LARGE1: variants seen among roughly 807,000 people sequenced by gnomAD.
LARGE1 encodes the protein LARGE xylosyl- and glucuronyltransferase 1, also known as xylosyl- and glucuronyltransferase LARGE1.
LARGE1 carries 43 observed loss-of-function variants against 87.6 expected under a neutral mutation model. The ratio of observed to expected loss-of-function variants is 0.49; its 90% CI spans 0.38 to 0.63. The LOEUF (loss-of-function observed/expected upper bound fraction) is 0.63. Among genes scored for constraint, LARGE1 ranks in the 30% least tolerant of loss-of-function variants. The pLI is 0.00. For missense variants in LARGE1, 802 were observed against 1,000.2 expected, an observed-to-expected ratio of 0.80 and a Z score of 2.67; for synonymous variants, 434 against 394.6, an observed-to-expected ratio of 1.10 and a Z score of -1.18.
At chr22:33,564,771 T>G in intron 6 of LARGE1, 77 bp downstream of exon 6, 1 of 1,508,950 alleles carries the variant, frequency 6.6e-7, no homozygotes, top group East Asian at 2.3e-5. Flanking sequence ...CTCACCTTTT[T>G]AAAAAAGTCA....
chr22:33,574,048 T>C (rs755336168), intron 5 of LARGE1, among the ~76,000 whole-genome samples: 2 of 152,190 alleles, frequency 1.3e-5, no homozygotes, highest in Non-Finnish European at 2.9e-5. Context: ...ATTGGTTATA[T>C]AGGTAAGTTT....
chr22:33,639,457 G>A (rs1407017259), intron 3 of LARGE1, among the ~76,000 whole-genome samples: 1 of 152,174 alleles, frequency 6.6e-6, no homozygotes, highest in African/African-American at 2.4e-5. Context: ...CAGTGGAGAA[G>A]TTGAATATTC....
At chr22:33,067,111 C>G in the LARGE1 span, among the ~76,000 whole-genome samples, 502 of 152,038 alleles carry the variant, frequency 3.3e-3, 2 homozygotes, top group African/African-American at 0.011. Context: ...TCCTGGTTTT[C>G]AAGCCCCTGG....
chr22:33,477,120 C>G (rs1371532700), intron 6 of LARGE1, among the ~76,000 whole-genome samples: 1 of 152,190 alleles, frequency 6.6e-6, no homozygotes, highest in Non-Finnish European at 1.5e-5. Context: ...CCACTGGTGA[C>G]AAGAAATTCT....
chr22:33,472,151 A>G (rs1203183508), intron 6 of LARGE1, among the ~76,000 whole-genome samples: 1 of 152,200 alleles, frequency 6.6e-6, no homozygotes, highest in Non-Finnish European at 1.5e-5. Context: ...ATCCTGATTT[A>G]GTGCCATGGG....
At chr22:33,336,990 G>A (rs149336089) in intron 10 of LARGE1, among the ~76,000 whole-genome samples, 4,115 of 151,640 alleles carry the variant, frequency 0.027, 187 homozygotes, top group African/African-American at 0.095. Flanking sequence ...GAACCCGGGA[G>A]GCAGAGGTTG....
At chr22:33,572,855 G>A (rs2078247163) in intron 5 of LARGE1, among the ~76,000 whole-genome samples, 1 of 152,128 alleles carries the variant, frequency 6.6e-6, no homozygotes, top group Non-Finnish European at 1.5e-5. Context: ...GGGCGACAGA[G>A]TGAGACTTTG....
At chr22:33,418,669 A>T (rs2066585069) in intron 7 of LARGE1, among the ~76,000 whole-genome samples, 1 of 152,074 alleles carries the variant, frequency 6.6e-6, no homozygotes, top group Non-Finnish European at 1.5e-5. Flanking sequence ...CAGGGGTGAG[A>T]ATGTGCCTGG....
chr22:33,083,384 G>T, the LARGE1 span, among the ~76,000 whole-genome samples: 2 of 152,174 alleles, frequency 1.3e-5, no homozygotes, highest in Non-Finnish European at 2.9e-5. Context: ...GTCTTCCTTA[G>T]GTGTCATATC....
At chr22:33,503,259 G>GT (rs796717166) in intron 6 of LARGE1, among the ~76,000 whole-genome samples, 5,052 of 124,660 alleles carry the variant, frequency 0.041, 113 homozygotes, top group Admixed American at 0.053. Context: ...TTTTTTTTTT[G>GT]TTTTTTTTTT....
intron 9 of LARGE1, among the ~76,000 whole-genome samples, chr22:33,365,830 G>A (rs2064566893): frequency 6.6e-6 from 1 of 152,090 alleles, no homozygotes; most frequent in African/African-American, 2.4e-5. Context: ...TGGCCAGGCT[G>A]GTATCGAACT....
chr22:33,670,329 G>A (rs1409650826), intron 2 of LARGE1, among the ~76,000 whole-genome samples: 1 of 151,936 alleles, frequency 6.6e-6, no homozygotes, highest in Non-Finnish European at 1.5e-5. Flanking sequence ...GCATTTGGAA[G>A]CACCTCCCAG....
intron 11 of LARGE1, among the ~76,000 whole-genome samples, chr22:33,261,484 T>C (rs970075850): frequency 2.0e-5 from 3 of 152,128 alleles, no homozygotes; most frequent in Non-Finnish European, 2.9e-5. Flanking sequence ...CAAATTCAAA[T>C]TGTAATTCAA....
At chr22:33,827,428 C>T (rs537182666) in intron 1 of LARGE1, among the ~76,000 whole-genome samples, 1 of 151,924 alleles carries the variant, frequency 6.6e-6, no homozygotes, top group Non-Finnish European at 1.5e-5. Flanking sequence ...TCTGTCCCCC[C>T]GCCAAAAAAA....
At chr22:33,232,968 C>A (rs1167811419) in intron 11 of LARGE1, among the ~76,000 whole-genome samples, 1 of 152,156 alleles carries the variant, frequency 6.6e-6, no homozygotes, top group Non-Finnish European at 1.5e-5. Context: ...CATTTCTGTG[C>A]CCCATTCATC....
chr22:33,089,321 T>TTTCTTCCTCTTCTTC, the LARGE1 span, among the ~76,000 whole-genome samples: 4 of 87,094 alleles, frequency 4.6e-5, no homozygotes, highest in African/African-American at 1.5e-4. Flanking sequence ...TTCTTTCTTC[T>TTTCTTCCTCTTCTTC]TTCTTCTTCT....
At chr22:33,261,697 G>A (rs988464026) in intron 11 of LARGE1, among the ~76,000 whole-genome samples, 3 of 152,184 alleles carry the variant, frequency 2.0e-5, no homozygotes, top group African/African-American at 7.2e-5. Context: ...TTCTGTTAGT[G>A]TGGGGAGGTG....
At chr22:33,421,291 A>G (rs1369284649) in intron 7 of LARGE1, among the ~76,000 whole-genome samples, 1 of 152,224 alleles carries the variant, frequency 6.6e-6, no homozygotes, top group Admixed American at 6.5e-5. Context: ...TGACCCAGAC[A>G]CTGTCCCATG....
chr22:33,639,863 A>G (rs2080376224), intron 3 of LARGE1, among the ~76,000 whole-genome samples: 1 of 152,258 alleles, frequency 6.6e-6, no homozygotes. Context: ...GGCAACAGAA[A>G]TATGCAAGAA....
Sources: allele counts gnomAD v4.1 joint callset (sites outside exome capture counted in the v4.1 genomes callset), GRCh38; gene constraint gnomAD v4.1.1; transcripts MANE v1.5; gene names NCBI Gene and HGNC (gene_info 2026-07-23, HGNC 2026-07-21).